Variants in HHIP observed in about 807,000 individuals in gnomAD.
HHIP encodes the protein hedgehog interacting protein.
A neutral mutation model predicts 74.0 loss-of-function variants in HHIP; 12 were observed. The observed-to-expected ratio is 0.16, with a 90% CI of 0.10 to 0.26. HHIP has a LOEUF of 0.26. Ranked by LOEUF, HHIP falls within the 10% of genes least tolerant of loss-of-function variation. HHIP has a pLI of 1.00. For synonymous variants in HHIP, 309 were observed against 311.6 expected (o/e 0.99, Z 0.09); for missense variants, 788 against 845.0 (o/e 0.93, Z 0.84).
chr4:144,701,316 T>G (rs1016891731), intron 4 of HHIP, among the ~76,000 whole-genome samples: 1 of 98,674 alleles, frequency 1.0e-5, no homozygotes, highest in South Asian at 5.3e-4. Context: ...AATTAAGCTG[T>G]TTTTTTCTTT....
intron 1 of HHIP, among the ~76,000 whole-genome samples, chr4:144,651,165 T>C (rs1262096012): frequency 6.6e-6 from 1 of 152,178 alleles, no homozygotes; most frequent in Non-Finnish European, 1.5e-5. Flanking sequence ...ATTCTTGGAA[T>C]GCACATTCTA....
At chr4:144,662,966 T>C (rs1728754242) in intron 4 of HHIP, among the ~76,000 whole-genome samples, 1 of 152,132 alleles carries the variant, frequency 6.6e-6, no homozygotes, top group Non-Finnish European at 1.5e-5. Context: ...GGCTTCACAG[T>C]ATAATCACCC....
rs370343398 is a variant in HHIP, at chr4:144,726,224, A to C, written c.1760+7268A>C. 2.0e-3 allele frequency among the ~76,000 whole-genome samples: 308 copies of C among 152,248 alleles called. 2 individuals are homozygous for C. The highest frequency in any genetic ancestry group is 6.9e-3 in the African/African-American group (286 of 41,550). On this transcript the variant is annotated intron_variant, in intron 11 of 12. Coordinates refer to ENST00000296575, the MANE Select transcript of HHIP (RefSeq NM_022475.3). ...CAATGGCATTGGCTTTTTTATTATA[A>C]CCTAATTATTTAGTTTTTATTTTGT...
chr4:144,708,647 A>T (rs1439351929), intron 7 of HHIP, among the ~76,000 whole-genome samples: 1 of 151,680 alleles, frequency 6.6e-6, no homozygotes, highest in East Asian at 1.9e-4. Flanking sequence ...AGAGAGATCA[A>T]CTTTTTGATT....
intron 10 of HHIP, among the ~76,000 whole-genome samples, chr4:144,716,234 T>TG (rs1730441855): frequency 6.6e-6 from 1 of 152,198 alleles, no homozygotes; most frequent in African/African-American, 2.4e-5. Flanking sequence ...AATCAGAATA[T>TG]TTTCTCTAAA....
Position 144,708,328 on chromosome 4 carries a change from G to A in HHIP, c.1301+17G>A, listed in dbSNP as rs201703951. 7 of 1,613,778 alleles carry A rather than the reference G, an allele frequency of 4.3e-6. No homozygotes were observed. The highest frequency in any genetic ancestry group is 5.9e-6 in the Non-Finnish European group (7 of 1,179,862). On this transcript the variant is annotated intron_variant, in intron 7 of 12. Coordinates refer to ENST00000296575, the MANE Select transcript of HHIP (RefSeq NM_022475.3). ...TCCAGGCAGGTGAGAACACAAGTCT[G>A]TCTTCTCACTGGCTTTTAAGCCAGG...
At chr4:144,695,671 T>G (rs1175224577) in intron 4 of HHIP, among the ~76,000 whole-genome samples, 1 of 151,946 alleles carries the variant, frequency 6.6e-6, no homozygotes, top group Non-Finnish European at 1.5e-5. Flanking sequence ...ATAAATTTTA[T>G]ATATTTTAAT....
chr4:144,738,761 C>T lies in HHIP; in HGVS notation c.*804C>T, dbSNP rs1731191794. The T allele has an allele frequency of 2.5e-6, 2 of 815,720 alleles. No homozygotes were observed. The highest frequency in any genetic ancestry group is 5.6e-5 in the South Asian group (1 of 17,816). The allele number at this position is 815,720 out of a possible 1,614,324, so 50.5% of individuals were successfully genotyped here. A position where few individuals can be genotyped will look rare whatever the true frequency, so the allele number is the denominator to read the frequency against. ...CACCTTTACCCTGTCCTGTAAAACA[C>T]TAAAGTTACATTTTTCACCAACTTA... is the stretch of plus-strand genomic sequence containing the variant. On this transcript the variant is annotated 3_prime_UTR_variant, in exon 13 of 13. Transcript: ENST00000296575.
chr4:144,739,790 G>T lies in HHIP; in HGVS notation c.*1833G>T, dbSNP rs1731218503. The stretch of plus-strand genomic sequence containing the variant: ...AGTCTCAGGATTAAATGAGCATGGA[G>T]ACCAAATTGCCCTCTTACCCCAGAA... On this transcript the variant is annotated 3_prime_UTR_variant, in exon 13 of 13. Coordinates refer to ENST00000296575, the MANE Select transcript of HHIP (RefSeq NM_022475.3). 1 of 152,150 alleles carries T rather than the reference G, an allele frequency of 6.6e-6. No individual in the cohort carries two copies. The highest frequency in any genetic ancestry group is 2.4e-5 in the African/African-American group (1 of 41,444). 9.4% of individuals were successfully genotyped at this position (152,150 alleles called of 1,614,324 possible).
Position 144,718,920 on chromosome 4 carries a change from A to G in HHIP, c.1724A>G (p.His575Arg). The G allele has an allele frequency of 6.2e-7, 1 of 1,609,548 alleles. No individual in the cohort carries two copies. The highest frequency in any genetic ancestry group is 8.5e-7 in the Non-Finnish European group (1 of 1,176,032). ...LSSSKSMTQT[H>R]NGKLYKIVDP... ...AGCAGTAAAAGTATGACCCAGACTC[A>G]CAATGGAAAACTCTACAAAATTGTA... The change falls in exon 11 of 13, where the codon CAC becomes CGC. Residue 575 changes from histidine to arginine, a missense_variant. By Grantham distance (29) the His-to-Arg change is conservative. Transcript: ENST00000296575.
intron 4 of HHIP, among the ~76,000 whole-genome samples, chr4:144,701,498 A>G (rs922327944): frequency 6.6e-6 from 1 of 152,148 alleles, no homozygotes; most frequent in African/African-American, 2.4e-5. Flanking sequence ...ATCTCCAAGT[A>G]TGATGGGAAT....
intron 4 of HHIP, among the ~76,000 whole-genome samples, chr4:144,705,690 C>G (rs764938786): frequency 6.6e-6 from 1 of 152,142 alleles, no homozygotes; most frequent in Non-Finnish European, 1.5e-5. Context: ...AGATAAAATG[C>G]CTTTCTATTT....
In HHIP at chr4:144,743,038, A is replaced by G. The variant is rs950525215; in HGVS notation, c.*5081A>G. 3.6e-5 allele frequency: 5 copies of G among 138,066 alleles called. 1 individual carries two copies. The highest frequency in any genetic ancestry group is 5.4e-5 in the African/African-American group (2 of 37,342). 8.6% of individuals were successfully genotyped at this position (138,066 alleles called of 1,614,324 possible). ...TATATATATAATATATATCTTATAT[A>G]TATATATATCTTAATACATATATAT... On this transcript the variant is annotated 3_prime_UTR_variant, in exon 13 of 13. Transcript: ENST00000296575.
chr4:144,696,074 A>C (rs1232944564), intron 4 of HHIP, among the ~76,000 whole-genome samples: 1 of 151,894 alleles, frequency 6.6e-6, no homozygotes, highest in Admixed American at 6.6e-5. Context: ...ATGTGAGAAG[A>C]GTTCTTCCCT....
At chr4:144,653,732 C>A (rs1375376413) in intron 2 of HHIP, among the ~76,000 whole-genome samples, 3 of 152,070 alleles carry the variant, frequency 2.0e-5, no homozygotes, top group Admixed American at 2.0e-4. Context: ...TTACTTTTTT[C>A]TCTGACCCAG....
intron 4 of HHIP, among the ~76,000 whole-genome samples, chr4:144,697,757 TA>T (rs1729860759): frequency 6.6e-6 from 1 of 152,060 alleles, no homozygotes; most frequent in African/African-American, 2.4e-5. Flanking sequence ...TATAAGTATA[TA>T]ACTGAGTATG....
At chr4:144,691,726 A>G (rs1381550009) in intron 4 of HHIP, among the ~76,000 whole-genome samples, 1 of 152,112 alleles carries the variant, frequency 6.6e-6, no homozygotes, top group Non-Finnish European at 1.5e-5. Flanking sequence ...CCACCCAGTA[A>G]AACATGTAGC....
intron 11 of HHIP, among the ~76,000 whole-genome samples, chr4:144,724,664 G>A (rs554494530): frequency 8.2e-6 from 1 of 122,364 alleles, no homozygotes; most frequent in African/African-American, 2.9e-5. Context: ...GTGTGTGTGT[G>A]TGTGTATATA....
At chr4:144,706,736 T>A in intron 5 of HHIP, 54 bp downstream of exon 5, 1 of 1,513,048 alleles carries the variant, frequency 6.6e-7, no homozygotes. Flanking sequence ...TTTCTCATCA[T>A]CTTTTCATAA....
Sources: gnomAD v4.1 joint callset for allele counts (sites outside exome capture counted in the v4.1 genomes callset) on GRCh38, gnomAD v4.1.1 for gene constraint, MANE v1.5 for transcripts, NCBI Gene and HGNC (gene_info 2026-07-23, HGNC 2026-07-21) for gene names.